Variants in PTPRD observed in about 807,000 individuals in gnomAD.
PTPRD encodes the protein receptor-type tyrosine-protein phosphatase delta.
PTPRD carries 34 observed loss-of-function variants against 214.5 expected under a neutral mutation model. The ratio of observed to expected loss-of-function variants is 0.16; its 90% CI spans 0.12 to 0.21. PTPRD has a LOEUF of 0.21. PTPRD is among the 10% of genes least tolerant of loss of function. PTPRD has a pLI of 1.00. For synonymous variants in PTPRD, 1,128 were observed against 845.7 expected (o/e 1.33, Z -5.79); for missense variants, 2,545 against 2,398.7 (o/e 1.06, Z -1.27).
intron 11 of PTPRD, among the ~76,000 whole-genome samples, chr9:8,845,497 C>T (rs12686059): frequency 0.018 from 2,735 of 152,312 alleles, 72 homozygotes; most frequent in South Asian, 0.088. Context: ...AAATACAAGC[C>T]ATCAAATATG....
chr9:9,575,717 C>CAAAAAAAAAAAAAAAAAAAAAAAAAAAA (rs757614546), intron 7 of PTPRD, among the ~76,000 whole-genome samples: 83 of 33,342 alleles, frequency 2.5e-3, no homozygotes, highest in East Asian at 5.3e-3. Context: ...AAGACTGTCT[C>CAAAAAAAAAAAAAAAAAAAAAAAAAAAA]AAAAAAAAAA....
intron 8 of PTPRD, among the ~76,000 whole-genome samples, chr9:9,399,071 G>A (rs965277561): frequency 1.2e-4 from 18 of 151,686 alleles, no homozygotes; most frequent in African/African-American, 3.9e-4. Context: ...GTAGTTACTC[G>A]TATTAAGGTT....
intron 44 of PTPRD, among the ~76,000 whole-genome samples, chr9:8,330,054 G>C (rs772415953): frequency 1.3e-5 from 2 of 152,160 alleles, no homozygotes; most frequent in African/African-American, 2.4e-5. Flanking sequence ...GACTGCGGGA[G>C]AAGTGCAGTA....
chr9:9,379,718 T>C (rs139515507), intron 9 of PTPRD, among the ~76,000 whole-genome samples: 10 of 151,992 alleles, frequency 6.6e-5, no homozygotes, highest in Non-Finnish European at 7.4e-5. Flanking sequence ...TTTGTTATAG[T>C]TTTGTAGTTT....
At chr9:10,227,137 T>C (rs2099591488) in intron 3 of PTPRD, among the ~76,000 whole-genome samples, 1 of 152,038 alleles carries the variant, frequency 6.6e-6, no homozygotes, top group African/African-American at 2.4e-5. Flanking sequence ...GCTAATATTG[T>C]AGCTTGTCAA....
chr9:9,228,409 A>G (rs1282028833), intron 9 of PTPRD, among the ~76,000 whole-genome samples: 1 of 152,096 alleles, frequency 6.6e-6, no homozygotes, highest in Non-Finnish European at 1.5e-5. Context: ...ACATATGTGC[A>G]TGTGTATTTG....
At chr9:9,971,763 T>A (rs1345674836) in intron 4 of PTPRD, among the ~76,000 whole-genome samples, 1 of 152,180 alleles carries the variant, frequency 6.6e-6, no homozygotes, top group African/African-American at 2.4e-5. Flanking sequence ...TGTAACAATA[T>A]AATAATTTCA....
chr9:9,336,953 A>G (rs1377463883), intron 9 of PTPRD, among the ~76,000 whole-genome samples: 1 of 152,184 alleles, frequency 6.6e-6, no homozygotes, highest in Non-Finnish European at 1.5e-5. Flanking sequence ...TATTTTTTAC[A>G]CATATCTTTA....
chr9:10,165,666 C>T (rs1206398906), intron 3 of PTPRD, among the ~76,000 whole-genome samples: 3 of 151,186 alleles, frequency 2.0e-5, no homozygotes, highest in Non-Finnish European at 4.4e-5. Context: ...ATAATAAGAC[C>T]TAGAATAGTT....
chr9:9,878,564 G>A (rs1396927089), intron 5 of PTPRD, among the ~76,000 whole-genome samples: 1 of 152,150 alleles, frequency 6.6e-6, no homozygotes. Context: ...TTAGAAAATA[G>A]AGAAAATGTT....
At chr9:9,447,019 G>A (rs1332226739) in intron 8 of PTPRD, among the ~76,000 whole-genome samples, 2 of 152,088 alleles carry the variant, frequency 1.3e-5, no homozygotes, top group African/African-American at 4.8e-5. Flanking sequence ...AATATAACAA[G>A]TGCTGGCAAG....
rs181859584 is a variant in PTPRD at position 10,562,922 on chromosome 9, A to G, written c.-600+49476T>C. 1.9e-3 allele frequency among the ~76,000 whole-genome samples: 291 copies of G among 152,302 alleles called. 1 individual carries two copies. The highest frequency in any genetic ancestry group is 3.0e-3 in the Non-Finnish European group (206 of 68,012). ...AAAAGCCATATATAGATACCCAGCC[A>G]TGATTGTTGTAACTATATTTAAAGT... On this transcript the variant is annotated intron_variant, in intron 2 of 45. Coordinates refer to ENST00000381196, the MANE Select transcript of PTPRD (RefSeq NM_002839.4).
At chr9:8,620,926 TCC>T (rs1331311337) in intron 14 of PTPRD, among the ~76,000 whole-genome samples, 1 of 151,994 alleles carries the variant, frequency 6.6e-6, no homozygotes, top group African/African-American at 2.4e-5. Context: ...AGTTCTTAGA[TCC>T]CTTGGCCCCA....
intron 11 of PTPRD, among the ~76,000 whole-genome samples, chr9:8,743,800 T>C (rs199964503): frequency 7.3e-5 from 1 of 13,606 alleles, no homozygotes; most frequent in African/African-American, 3.1e-4. Context: ...AAAATAACAA[T>C]AATAATAATA....
intron 3 of PTPRD, among the ~76,000 whole-genome samples, chr9:10,048,175 C>T (rs1040990594): frequency 6.6e-6 from 1 of 152,130 alleles, no homozygotes; most frequent in Non-Finnish European, 1.5e-5. Context: ...GGGACTAGTT[C>T]CTTGATCTTC....
At chr9:9,835,568 G>A (rs191575797) in intron 5 of PTPRD, among the ~76,000 whole-genome samples, 17 of 152,166 alleles carry the variant, frequency 1.1e-4, no homozygotes, top group Admixed American at 1.0e-3. Flanking sequence ...ACAAATTCAT[G>A]CCTTCTTTAG....
chr9:9,162,215 A>C (rs942895305), intron 10 of PTPRD, among the ~76,000 whole-genome samples: 1 of 152,158 alleles, frequency 6.6e-6, no homozygotes. Flanking sequence ...AAAATGTCGC[A>C]AAAAGTGGCA....
At chr9:8,804,948 T>C (rs915285683) in intron 11 of PTPRD, among the ~76,000 whole-genome samples, 4 of 152,152 alleles carry the variant, frequency 2.6e-5, no homozygotes, top group Non-Finnish European at 5.9e-5. Context: ...CTGGTGAATA[T>C]ACTCAATTAG....
chr9:10,238,822 T>C (rs1386983298), intron 3 of PTPRD, among the ~76,000 whole-genome samples: 2 of 151,934 alleles, frequency 1.3e-5, no homozygotes, highest in East Asian at 3.9e-4. Flanking sequence ...TGAAATGGAA[T>C]TTTTATTTAA....
Sources: gnomAD v4.1 joint callset for allele counts (sites outside exome capture counted in the v4.1 genomes callset) on GRCh38, gnomAD v4.1.1 for gene constraint, MANE v1.5 for transcripts, NCBI Gene and HGNC (gene_info 2026-07-23, HGNC 2026-07-21) for gene names.